RNFT2: variants seen among roughly 807,000 people sequenced by gnomAD.
RNFT2 encodes the protein ring finger protein, transmembrane 2.
RNFT2 carries 36 observed loss-of-function variants against 53.0 expected under a neutral mutation model. That is an observed-to-expected ratio of 0.68 (90% CI 0.52 to 0.90). The LOEUF is 0.90. RNFT2 is among the 40% of genes least tolerant of loss of function. The probability of loss-of-function intolerance (pLI) is 0.00; values close to 1 mark genes in which losing one functional copy is unlikely to be tolerated. For synonymous variants in RNFT2, 260 were observed against 253.2 expected (o/e 1.03, Z -0.26); for missense variants, 514 against 585.6 (o/e 0.88, Z 1.26).
Position 116,750,072 on chromosome 12 carries a change from CGCCT to C in RNFT2, c.316_319del (p.Ala106ThrfsTer50), listed in dbSNP as rs1872108772. On this transcript the variant is annotated frameshift_variant, in exon 4 of 11. Transcript: ENST00000257575. LOFTEE classifies it high-confidence loss of function. ...AAGGAGGGGGCCGGGGCGAGGGGGG[CGCCT>C]ACCACCACCGCCAGCCCCACCACCA... 1 of 1,545,136 alleles carries C rather than the reference CGCCT, an allele frequency of 6.5e-7. No homozygotes were observed. The highest frequency in any genetic ancestry group is 8.7e-7 in the Non-Finnish European group (1 of 1,148,828).
At position 116,834,239 on chromosome 12, in the gene RNFT2, T is replaced by C. The variant is rs541486979; in HGVS notation, c.1032+298T>C. Among the ~76,000 whole-genome samples the C allele has an allele frequency of 2.9e-4, 44 of 152,200 alleles. No homozygotes were observed. In the South Asian group the frequency reaches 8.7e-3, roughly 30 times the overall value. On this transcript the variant is annotated intron_variant, in intron 8 of 10. Transcript: ENST00000257575. ...TTCAAGTGACTCTCTTGCCTCAGCCTCCAGAATAGCTGGGACTACAGGCAT... is the reference window on the plus strand; with the variant it reads ...TTCAAGTGACTCTCTTGCCTCAGCCCCCAGAATAGCTGGGACTACAGGCAT...
intron 3 of RNFT2, among the ~76,000 whole-genome samples, chr12:116,745,865 G>T (rs1286359976): frequency 2.0e-5 from 3 of 152,158 alleles, no homozygotes; most frequent in Non-Finnish European, 2.9e-5. Context: ...GGGGAGCAAG[G>T]TTATGGTCTT....
chr12:116,838,444 A>C (rs1319522590), intron 10 of RNFT2, among the ~76,000 whole-genome samples: 1 of 151,978 alleles, frequency 6.6e-6, no homozygotes, highest in East Asian at 1.9e-4. Flanking sequence ...CAGAAGGCAC[A>C]CAGTTTTGAC....
intron 7 of RNFT2, among the ~76,000 whole-genome samples, chr12:116,799,306 T>C (rs1366902890): frequency 6.6e-6 from 1 of 152,204 alleles, no homozygotes; most frequent in East Asian, 1.9e-4. Context: ...CCAAGAAAAC[T>C]CTGCTTTTAA....
chr12:116,792,475 G>A (rs929744077), intron 7 of RNFT2, among the ~76,000 whole-genome samples: 9 of 152,164 alleles, frequency 5.9e-5, no homozygotes, highest in African/African-American at 2.2e-4. Context: ...TAGGGCCGAG[G>A]AGGCGGGGAT....
At chr12:116,802,625 A>C (rs1288538047) in intron 7 of RNFT2, among the ~76,000 whole-genome samples, 1 of 152,268 alleles carries the variant, frequency 6.6e-6, no homozygotes, top group East Asian at 1.9e-4. Context: ...TGGGAGAGGC[A>C]AAGAATGACT....
At chr12:116,807,336 A>G (rs982296490) in intron 7 of RNFT2, among the ~76,000 whole-genome samples, 4 of 152,134 alleles carry the variant, frequency 2.6e-5, no homozygotes, top group Non-Finnish European at 4.4e-5. Flanking sequence ...CGTGATAGTA[A>G]TAAAGTAAGA....
chr12:116,848,835 T>C (rs1280643761), intron 10 of RNFT2, among the ~76,000 whole-genome samples: 3 of 152,078 alleles, frequency 2.0e-5, no homozygotes, highest in African/African-American at 7.2e-5. Flanking sequence ...GTTTTTTTGT[T>C]TTTAGACAGA....
intron 10 of RNFT2, among the ~76,000 whole-genome samples, chr12:116,837,220 A>G (rs928756777): frequency 1.3e-5 from 2 of 152,172 alleles, no homozygotes; most frequent in Non-Finnish European, 2.9e-5. Context: ...ATTGGGGTCA[A>G]AGCATCCTAT....
chr12:116,773,168 G>A (rs902760326), intron 6 of RNFT2, among the ~76,000 whole-genome samples: 1 of 151,958 alleles, frequency 6.6e-6, no homozygotes, highest in Non-Finnish European at 1.5e-5. Context: ...CACCATGTTG[G>A]CCAGGCTGGT....
At chr12:116,828,993 A>T (rs796142751) in intron 7 of RNFT2, among the ~76,000 whole-genome samples, 1 of 151,330 alleles carries the variant, frequency 6.6e-6, no homozygotes, top group Non-Finnish European at 1.5e-5. Flanking sequence ...AAAACACACA[A>T]TGTTTTAAGT....
rs1592937079 is a variant in RNFT2 at position 116,750,435 on chromosome 12, G to A, written c.550+128G>A. On this transcript the variant is annotated intron_variant, in intron 4 of 10. Coordinates refer to ENST00000257575, the MANE Select transcript of RNFT2 (RefSeq NM_001382266.1). ...CAGAGACCAACATGGGCTTCAGGAT[G>A]TGGGATTCTGAGTCAGACCTGGGTT... 9 of 879,756 alleles carry A rather than the reference G, an allele frequency of 1.0e-5. No homozygotes were observed. The East Asian group carries it at 2.4e-4, about 23-fold the overall frequency. The allele number at this position is 879,756 out of a possible 1,614,324, so 54.5% of individuals were successfully genotyped here.
rs143372265 is a variant in RNFT2, at chr12:116,769,345, G to A, written c.728+2431G>A. Among the ~76,000 whole-genome samples, 575 of 152,244 alleles carry A rather than the reference G, an allele frequency of 3.8e-3. 3 individuals are homozygous for A. Among genetic ancestry groups the A allele is most frequent in the African/African-American group, 0.013 (553 of 41,560 alleles). ...TGCACTCCAGACAGAGTGAGACTCC[G>A]TCTTAAAGTTAACTGTAAGGCAGCC... is the stretch of plus-strand genomic sequence containing the variant. On this transcript the variant is annotated intron_variant, in intron 6 of 10. Coordinates refer to ENST00000257575, the MANE Select transcript of RNFT2 (RefSeq NM_001382266.1).
chr12:116,836,234 C>T lies in RNFT2; in HGVS notation c.1152C>T (p.Cys384=), dbSNP rs750175095. ...AGTGCACAGAAGCTGGTGACATCTG[C>T]GCCATCTGTCAGGCCGAGTTCCGAG... ...GQQCTEAGDI[C]AICQAEFREP... is the part of the protein sequence containing the mutation. Residue 384 remains cysteine (C), a synonymous_variant, in exon 10 of 11, where the codon TGC becomes TGT. Transcript: ENST00000257575. 55 of 1,592,108 alleles carry T rather than the reference C, an allele frequency of 3.5e-5. No homozygotes were observed. The highest frequency in any genetic ancestry group is 4.6e-5 in the East Asian group (2 of 43,738).
rs1877967461 is a variant in RNFT2, at chr12:116,852,332, C to T, written c.*2884C>T. 3 of 1,261,928 alleles carry T rather than the reference C, an allele frequency of 2.4e-6. No individual in the cohort carries two copies. Among genetic ancestry groups the T allele is most frequent in the Non-Finnish European group, 2.0e-6 (2 of 998,306 alleles). The allele number at this position is 1,261,928 out of a possible 1,614,324, so 78.2% of individuals were successfully genotyped here. A position where few individuals can be genotyped will look rare whatever the true frequency, so the allele number is the denominator to read the frequency against. ...AACATGTCCCCTTCCCCCTGCCCCG[C>T]CGTAGATTCAGGACATTTGCCCCTG... is the stretch of plus-strand genomic sequence containing the variant. On this transcript the variant is annotated 3_prime_UTR_variant, in exon 11 of 11. Coordinates refer to ENST00000257575, the MANE Select transcript of RNFT2 (RefSeq NM_001382266.1).
chr12:116,780,744 C>G (rs772055625), intron 7 of RNFT2, among the ~76,000 whole-genome samples: 1 of 151,996 alleles, frequency 6.6e-6, no homozygotes, highest in Non-Finnish European at 1.5e-5. Context: ...CCTAAGATGC[C>G]TCCCATTGAC....
intron 7 of RNFT2, among the ~76,000 whole-genome samples, chr12:116,815,823 A>G (rs1006680635): frequency 2.0e-5 from 3 of 152,162 alleles, no homozygotes; most frequent in Admixed American, 6.5e-5. Context: ...TGAGGCCCAG[A>G]GAAGTGATTG....
intron 7 of RNFT2, among the ~76,000 whole-genome samples, chr12:116,799,690 T>C (rs1257790481): frequency 2.0e-5 from 3 of 152,066 alleles, no homozygotes; most frequent in Non-Finnish European, 4.4e-5. Context: ...AATCCCTTTT[T>C]TTGGTAGAGA....
intron 5 of RNFT2, among the ~76,000 whole-genome samples, chr12:116,762,161 T>G (rs998814063): frequency 1.2e-4 from 18 of 151,854 alleles, no homozygotes; most frequent in Non-Finnish European, 2.1e-4. Context: ...GGTGGATCAC[T>G]TGAGGTCAGG....
Sources: allele counts gnomAD v4.1 joint callset (sites outside exome capture counted in the v4.1 genomes callset), GRCh38; gene constraint gnomAD v4.1.1; transcripts MANE v1.5; gene names NCBI Gene and HGNC (gene_info 2026-07-23, HGNC 2026-07-21).